SLC30A6: variants seen among roughly 807,000 people sequenced by gnomAD.
The protein encoded by SLC30A6 is zinc transporter 6.
Under a neutral mutation model 63.0 loss-of-function variants are expected in SLC30A6, and 55 were observed. The ratio of observed to expected loss-of-function variants is 0.87; its 90% CI spans 0.70 to 1.09. SLC30A6 has a LOEUF of 1.09. Among genes scored for constraint, SLC30A6 ranks in the 50% least tolerant of loss-of-function variants. SLC30A6 has a pLI of 0.00. For missense variants in SLC30A6, 587 were observed against 549.2 expected (o/e 1.07, Z -0.69); for synonymous variants, 224 against 186.1 (o/e 1.20, Z -1.66).
intron 2 of SLC30A6, among the ~76,000 whole-genome samples, chr2:32,172,639 G>A (rs983382660): frequency 6.6e-6 from 1 of 152,144 alleles, no homozygotes; most frequent in South Asian, 2.1e-4. Context: ...CTAAGCAACT[G>A]AATGTAACCT....
intron 1 of SLC30A6, among the ~76,000 whole-genome samples, chr2:32,168,724 C>T (rs1384500805): frequency 1.2e-4 from 18 of 152,038 alleles, no homozygotes; most frequent in Admixed American, 1.0e-3. Flanking sequence ...GGCCTTTTCA[C>T]GCAAGAGTGG....
chr2:32,165,869 G>A lies in SLC30A6; in HGVS notation c.-32G>A, dbSNP rs200570260. 1.2e-6 allele frequency: 2 copies of A among 1,613,762 alleles called. No homozygotes were observed. Among genetic ancestry groups the A allele is most frequent in the Non-Finnish European group, 8.5e-7 (1 of 1,179,880 alleles). ...CTGGGAAAACTCGAGCACCCAGAAC[G>A]GCTTCCGGCGGGAGCTGTGCAGCTC... On this transcript the variant is annotated 5_prime_UTR_variant, in exon 1 of 14. Coordinates refer to ENST00000282587, the MANE Select transcript of SLC30A6 (RefSeq NM_017964.5).
rs750828002 is a variant in SLC30A6 at position 32,224,168 on chromosome 2, T to C, written c.*3455T>C. 1.7e-5 allele frequency: 4 copies of C among 232,248 alleles called. No individual in the cohort carries two copies. Among genetic ancestry groups the C allele is most frequent in the African/African-American group, 2.2e-5 (1 of 44,530 alleles). The allele number at this position is 232,248 out of a possible 1,614,324, so 14.4% of individuals were successfully genotyped here. On this transcript the variant is annotated 3_prime_UTR_variant, in exon 14 of 14. Transcript: ENST00000282587. ...TAATTTATCTCATATTCAGCGAATA[T>C]TTATTGAGAATATTGTTGAGAATCT...
chr2:32,204,548 T>G, intron 10 of SLC30A6, 42 bp from the exon 11 acceptor site: 32 of 1,333,140 alleles, frequency 2.4e-5, no homozygotes, highest in Non-Finnish European at 2.9e-5. Flanking sequence ...ATATGCCCAG[T>G]GAGATATAAA....
intron 1 of SLC30A6, among the ~76,000 whole-genome samples, chr2:32,169,731 T>G (rs1339939979): frequency 2.0e-5 from 3 of 152,186 alleles, no homozygotes; most frequent in Non-Finnish European, 4.4e-5. Flanking sequence ...TAGCCTATAT[T>G]TAAAATCAGA....
At position 32,184,282 on chromosome 2, in the gene SLC30A6, A is replaced by G. The variant is rs147251355; in HGVS notation, c.228A>G (p.Thr76=). 2.6e-6 allele frequency: 4 copies of G among 1,536,254 alleles called. No homozygotes were observed. The highest frequency in any genetic ancestry group is 1.4e-5 in the African/African-American group (1 of 72,336). The change falls in exon 5 of 14, where the codon ACA becomes ACG. Residue 76 remains threonine (T), a synonymous_variant. Transcript: ENST00000282587. ...LTIFDLFSLM[T]CLISYWVTLR... ...TTTTCTTTTTACTTAGTTTAATGAC[A>G]TGTTTAATAAGTTACTGGGTAACAT...
intron 1 of SLC30A6, among the ~76,000 whole-genome samples, chr2:32,167,440 G>T (rs1198224877): frequency 6.8e-6 from 1 of 148,006 alleles, no homozygotes; most frequent in Non-Finnish European, 1.5e-5. Context: ...TTCAGCCACA[G>T]TGAATAGCTT....
intron 4 of SLC30A6, among the ~76,000 whole-genome samples, chr2:32,182,090 C>A (rs1682375104): frequency 6.6e-6 from 1 of 151,784 alleles, no homozygotes; most frequent in East Asian, 1.9e-4. Flanking sequence ...TTCACCACCA[C>A]ACCTGGCTAA....
chr2:32,178,180 C>A (rs976819102), intron 4 of SLC30A6, among the ~76,000 whole-genome samples: 1 of 151,838 alleles, frequency 6.6e-6, no homozygotes, highest in African/African-American at 2.4e-5. Flanking sequence ...ATCTCCTGAC[C>A]TTGTGATCCG....
intron 13 of SLC30A6, among the ~76,000 whole-genome samples, chr2:32,217,496 T>G (rs535728850): frequency 6.6e-6 from 1 of 152,354 alleles, no homozygotes; most frequent in East Asian, 1.9e-4. Context: ...TCAGGTAATG[T>G]GATGCTTCCA....
intron 5 of SLC30A6, among the ~76,000 whole-genome samples, chr2:32,189,862 G>T (rs953770879): frequency 6.6e-6 from 1 of 151,904 alleles, no homozygotes; most frequent in Non-Finnish European, 1.5e-5. Context: ...CACACCCCGA[G>T]TAGCTGAAAT....
intron 11 of SLC30A6, among the ~76,000 whole-genome samples, chr2:32,206,126 G>A (rs528511050): frequency 7.9e-5 from 12 of 152,178 alleles, no homozygotes; most frequent in Admixed American, 2.0e-4. Context: ...TTACTGAAAT[G>A]ATAGGAACAC....
chr2:32,211,397 T>A (rs535967883), intron 13 of SLC30A6, among the ~76,000 whole-genome samples: 1 of 149,394 alleles, frequency 6.7e-6, no homozygotes, highest in Admixed American at 6.6e-5. Context: ...TGTTTCAAGT[T>A]TCTTAAAAAC....
intron 13 of SLC30A6, among the ~76,000 whole-genome samples, chr2:32,219,846 A>C (rs1419228390): frequency 6.6e-6 from 1 of 152,204 alleles, no homozygotes; most frequent in East Asian, 1.9e-4. Flanking sequence ...AATTCTGTTT[A>C]ATCACCAACC....
At chr2:32,167,401 T>TA (rs1680778822) in intron 1 of SLC30A6, among the ~76,000 whole-genome samples, 1 of 134,236 alleles carries the variant, frequency 7.4e-6, no homozygotes, top group African/African-American at 2.8e-5. Flanking sequence ...TTTTTTTTTT[T>TA]AATGCATACA....
intron 5 of SLC30A6, among the ~76,000 whole-genome samples, chr2:32,190,422 G>A (rs2148847907): frequency 6.7e-6 from 1 of 149,870 alleles, no homozygotes; most frequent in Admixed American, 6.7e-5. Context: ...TCGTGTCATT[G>A]CTCTCCAGCC....
intron 1 of SLC30A6, among the ~76,000 whole-genome samples, chr2:32,167,680 A>C (rs1297600266): frequency 6.6e-6 from 1 of 152,094 alleles, no homozygotes; most frequent in African/African-American, 2.4e-5. Flanking sequence ...ACACACACAC[A>C]CCAGTTTTGT....
chr2:32,220,086 C>A (rs1686037638), intron 13 of SLC30A6, 127 bp from the exon 14 acceptor site: 20 of 1,036,192 alleles, frequency 1.9e-5, no homozygotes, highest in Non-Finnish European at 2.6e-5. Flanking sequence ...GAAATATTAA[C>A]ATTAAGCTTT....
At chr2:32,178,406 G>T (rs1681983430) in intron 4 of SLC30A6, among the ~76,000 whole-genome samples, 1 of 152,080 alleles carries the variant, frequency 6.6e-6, no homozygotes, top group South Asian at 2.1e-4. Flanking sequence ...AAGTGTGGTG[G>T]CTGATGCCTG....
Sources: allele counts gnomAD v4.1 joint callset (sites outside exome capture counted in the v4.1 genomes callset), GRCh38; gene constraint gnomAD v4.1.1; transcripts MANE v1.5; gene names NCBI Gene and HGNC (gene_info 2026-07-23, HGNC 2026-07-21).